Variants in ATP9B observed in about 807,000 individuals in gnomAD.
ATP9B encodes the protein ATPase phospholipid transporting 9B.
In ATP9B, 110 loss-of-function variants were observed where a neutral mutation model predicts 146.1. That is an observed-to-expected ratio of 0.75 (90% confidence interval 0.65 to 0.88). ATP9B has a LOEUF of 0.88. ATP9B is among the 40% of genes least tolerant of loss of function. ATP9B has a pLI of 0.00. For missense variants in ATP9B, 1,499 were observed against 1,496.4 expected (o/e 1.00, Z -0.03); for synonymous variants, 604 against 569.7 (o/e 1.06, Z -0.86).
intron 15 of ATP9B, among the ~76,000 whole-genome samples, chr18:79,313,279 G>A (rs530781122): frequency 3.9e-5 from 6 of 152,320 alleles, no homozygotes; most frequent in African/African-American, 9.6e-5. Flanking sequence ...CTGACAAGAC[G>A]ATGAGTTGAG....
chr18:79,199,499 C>T (rs747240738), intron 9 of ATP9B, among the ~76,000 whole-genome samples: 6 of 150,866 alleles, frequency 4.0e-5, no homozygotes, highest in South Asian at 2.1e-4. Context: ...TGGTGGCTCA[C>T]GCCTGTAATC....
chr18:79,326,745 G>T (rs898307398), intron 15 of ATP9B, among the ~76,000 whole-genome samples: 1 of 152,224 alleles, frequency 6.6e-6, no homozygotes, highest in Non-Finnish European at 1.5e-5. Context: ...GACGTGTGGG[G>T]AATTGCTTAG....
chr18:79,200,768 G>GGACT (rs1600407273), intron 9 of ATP9B, among the ~76,000 whole-genome samples: 18 of 149,750 alleles, frequency 1.2e-4, no homozygotes, highest in South Asian at 4.3e-4. Flanking sequence ...GGAACGTTGG[G>GGACT]GTCAGAGCAG....
At chr18:79,225,406 A>G (rs371095211) in intron 11 of ATP9B, among the ~76,000 whole-genome samples, 2 of 152,260 alleles carry the variant, frequency 1.3e-5, no homozygotes, top group Non-Finnish European at 2.9e-5. Context: ...GAGTTTTTAC[A>G]CTATAATGAG....
At chr18:79,332,205 A>G (rs3859313) in intron 17 of ATP9B, among the ~76,000 whole-genome samples, 10,368 of 152,270 alleles carry the variant, frequency 0.068, 1,066 homozygotes, top group African/African-American at 0.22. Context: ...CAAGGCGGGC[A>G]GATCACGAGG....
chr18:79,329,420 A>G (rs1600080962), intron 16 of ATP9B, 118 bp downstream of exon 16: 1 of 1,179,812 alleles, frequency 8.5e-7, no homozygotes, highest in Non-Finnish European at 1.1e-6. Context: ...ATGCTGTTAC[A>G]GTTTTGTTTG....
rs1323154796 is a variant in ATP9B at position 79,345,014 on chromosome 18, TAGTGTCCTC to T, written c.2473-411_2473-403del. Among the ~76,000 whole-genome samples, 7 of 152,282 alleles carry T rather than the reference TAGTGTCCTC, an allele frequency of 4.6e-5. 1 individual carries two copies. Among genetic ancestry groups the T allele is most frequent in the African/African-American group, 1.7e-4 (7 of 41,556 alleles). On this transcript the variant is annotated intron_variant, in intron 21 of 29. Transcript: ENST00000426216. ...AATCGTCCTGGACCTCTGTTGTTGC[TAGTGTCCTC>T]AGAGCAAGCACTCCAAGAAATCTGG... is the stretch of plus-strand genomic sequence containing the variant.
chr18:79,207,115 T>C (rs1023816493), intron 10 of ATP9B, 103 bp downstream of exon 10: 74 of 1,105,590 alleles, frequency 6.7e-5, no homozygotes, highest in Middle Eastern at 2.0e-4. Context: ...CCCTGAAATA[T>C]TTAGGGACCT....
At chr18:79,224,923 A>C (rs1363704254) in intron 11 of ATP9B, among the ~76,000 whole-genome samples, 1 of 150,784 alleles carries the variant, frequency 6.6e-6, no homozygotes, top group African/African-American at 2.5e-5. Context: ...CACTGGGAGA[A>C]AAGGGCGACC....
Position 79,196,464 on chromosome 18 carries a change from A to G in ATP9B, c.954+3201A>G, listed in dbSNP as rs528215088. 2.8e-4 allele frequency among the ~76,000 whole-genome samples: 43 copies of G among 152,310 alleles called. 1 individual carries two copies. In the South Asian group the frequency reaches 7.1e-3, roughly 25 times the overall value. ...TCTAATAATCAGCTGAAAAGCAGGA[A>G]GAGGAGGAGAAAATAGAAGGAGCTC... On this transcript the variant is annotated intron_variant, in intron 9 of 29. Coordinates refer to ENST00000426216, the MANE Select transcript of ATP9B (RefSeq NM_198531.5).
At chr18:79,116,845 C>T (rs1213707589) in intron 4 of ATP9B, among the ~76,000 whole-genome samples, 8 of 102,248 alleles carry the variant, frequency 7.8e-5, no homozygotes, top group East Asian at 2.7e-4. Context: ...GTGGGTGCAG[C>T]GCACCAGCAT....
intron 26 of ATP9B, chr18:79,363,399 T>TTCATGGATTGAGACACGTAAACAGATG (rs2147878552): frequency 6.6e-6 from 1 of 152,344 alleles, no homozygotes; most frequent in South Asian, 2.1e-4. Flanking sequence ...TAAACAGATG[T>TTCATGGATTGAGACACGTAAACAGATG]TCCTGGAATG....
chr18:79,230,696 T>C (rs2095782769), intron 11 of ATP9B, among the ~76,000 whole-genome samples: 1 of 152,120 alleles, frequency 6.6e-6, no homozygotes, highest in Admixed American at 6.6e-5. Context: ...TACACCATTA[T>C]TCTTCACAGA....
At chr18:79,145,983 C>T (rs2094580001) in intron 6 of ATP9B, 1 of 114,714 alleles carries the variant, frequency 8.7e-6, no homozygotes, top group East Asian at 3.1e-4. Flanking sequence ...AGCTGCATGT[C>T]AGGGGAGCTG....
chr18:79,171,863 G>C (rs989056928), intron 7 of ATP9B, among the ~76,000 whole-genome samples: 35 of 140,726 alleles, frequency 2.5e-4, no homozygotes, highest in African/African-American at 9.2e-4. Flanking sequence ...AACCATTCAT[G>C]ACCTTCGGAG....
At chr18:79,115,428 T>G (rs1396266947) in intron 4 of ATP9B, 1 of 139,394 alleles carries the variant, frequency 7.2e-6, no homozygotes, top group Non-Finnish European at 1.5e-5. Context: ...TACTTTACAG[T>G]TCATATGGAA....
intron 12 of ATP9B, among the ~76,000 whole-genome samples, chr18:79,261,085 T>G (rs150194725): frequency 6.6e-6 from 1 of 152,302 alleles, no homozygotes; most frequent in African/African-American, 2.4e-5. Flanking sequence ...GTTTAGATGA[T>G]GAGATCTGGG....
At chr18:79,096,373 C>T in intron 1 of ATP9B, 103 bp from the exon 2 acceptor site, 3 of 1,082,580 alleles carry the variant, frequency 2.8e-6, no homozygotes, top group Non-Finnish European at 4.0e-6. Context: ...TGCTTTCCCT[C>T]AGCTGAAGAC....
intron 8 of ATP9B, among the ~76,000 whole-genome samples, chr18:79,180,488 T>C (rs565653344): frequency 2.6e-5 from 4 of 152,364 alleles, no homozygotes; most frequent in East Asian, 3.9e-4. Context: ...TTCCCATCCT[T>C]TGTATTCATG....
Sources: gnomAD v4.1 joint callset for allele counts (sites outside exome capture counted in the v4.1 genomes callset) on GRCh38, gnomAD v4.1.1 for gene constraint, MANE v1.5 for transcripts, NCBI Gene and HGNC (gene_info 2026-07-23, HGNC 2026-07-21) for gene names.